Variants in CDH12 observed in about 807,000 individuals in gnomAD.
The protein encoded by CDH12 is cadherin 12.
Under a neutral mutation model 74.1 loss-of-function variants are expected in CDH12, and 41 were observed. That is an observed-to-expected ratio of 0.55 (90% CI 0.43 to 0.72). The LOEUF (loss-of-function observed/expected upper bound fraction) is 0.72, where lower values mean the gene tolerates loss of function less well. Among genes scored for constraint, CDH12 ranks in the 30% least tolerant of loss-of-function variants. CDH12 has a pLI of 0.00. For missense variants in CDH12, 945 were observed against 977.2 expected (o/e 0.97, Z 0.44); for synonymous variants, 399 against 355.0 (o/e 1.12, Z -1.39).
chr5:22,060,863 G>A (rs1741139663), intron 5 of CDH12, among the ~76,000 whole-genome samples: 1 of 152,124 alleles, frequency 6.6e-6, no homozygotes, highest in African/African-American at 2.4e-5. Context: ...AGAGTTGCCA[G>A]AGCTCCTCTC....
intron 6 of CDH12, among the ~76,000 whole-genome samples, chr5:21,970,874 A>AAAAAAAAAAAAAAAAT (rs1756822951): frequency 7.7e-6 from 1 of 129,656 alleles, no homozygotes; most frequent in Non-Finnish European, 1.6e-5. Flanking sequence ...AAAAAAAAAA[A>AAAAAAAAAAAAAAAAT]GAAAAAAGAA....
At chr5:22,477,074 A>G (rs1746197762) in intron 2 of CDH12, among the ~76,000 whole-genome samples, 1 of 152,142 alleles carries the variant, frequency 6.6e-6, no homozygotes, top group Non-Finnish European at 1.5e-5. Flanking sequence ...CACAAAAAAC[A>G]CCCTACTGTT....
At chr5:22,484,866 G>C (rs1746524981) in intron 2 of CDH12, among the ~76,000 whole-genome samples, 1 of 151,922 alleles carries the variant, frequency 6.6e-6, no homozygotes, top group African/African-American at 2.4e-5. Flanking sequence ...TAATAATATA[G>C]TAGAACAATA....
At chr5:22,397,950 C>A (rs1175996895) in intron 3 of CDH12, among the ~76,000 whole-genome samples, 1 of 151,848 alleles carries the variant, frequency 6.6e-6, no homozygotes, top group African/African-American at 2.4e-5. Context: ...AGAAATAAAC[C>A]CTGCTGACAC....
At chr5:22,547,005 G>C (rs2126727711) in intron 1 of CDH12, among the ~76,000 whole-genome samples, 1 of 152,308 alleles carries the variant, frequency 6.6e-6, no homozygotes, top group Admixed American at 6.5e-5. Flanking sequence ...AAGTGCTTCA[G>C]ATGGTGGTGC....
At chr5:22,572,675 C>G (rs1416566549) in intron 1 of CDH12, among the ~76,000 whole-genome samples, 1 of 152,270 alleles carries the variant, frequency 6.6e-6, no homozygotes, top group East Asian at 1.9e-4. Context: ...ACAACCCTAT[C>G]TTTTGGTTGA....
intron 1 of CDH12, among the ~76,000 whole-genome samples, chr5:22,801,768 C>T (rs1748541950): frequency 6.7e-6 from 1 of 149,012 alleles, no homozygotes; most frequent in Admixed American, 6.8e-5. Context: ...ACACTAATGG[C>T]AACTTTGTTT....
intron 1 of CDH12, among the ~76,000 whole-genome samples, chr5:22,764,413 T>A (rs2127060922): frequency 6.6e-6 from 1 of 152,094 alleles, no homozygotes; most frequent in Non-Finnish European, 1.5e-5. Flanking sequence ...TTCTTCAGAA[T>A]GCTGATATAA....
At chr5:21,978,825 A>T (rs936759345) in intron 5 of CDH12, among the ~76,000 whole-genome samples, 4 of 152,176 alleles carry the variant, frequency 2.6e-5, no homozygotes, top group African/African-American at 9.6e-5. Flanking sequence ...AACTGTCAAG[A>T]CTAAAGCTAT....
At chr5:22,843,945 C>T (rs1202946241) in intron 1 of CDH12, among the ~76,000 whole-genome samples, 1 of 151,962 alleles carries the variant, frequency 6.6e-6, no homozygotes, top group Non-Finnish European at 1.5e-5. Context: ...CTGTGTAGGG[C>T]TGTGTCTTTT....
At chr5:22,536,321 G>T (rs1485976022) in intron 1 of CDH12, among the ~76,000 whole-genome samples, 1 of 152,124 alleles carries the variant, frequency 6.6e-6, no homozygotes, top group African/African-American at 2.4e-5. Flanking sequence ...ATTGCTATGG[G>T]GTTTTCAACA....
intron 1 of CDH12, among the ~76,000 whole-genome samples, chr5:22,567,262 A>G (rs1245735852): frequency 6.6e-6 from 1 of 152,132 alleles, no homozygotes; most frequent in East Asian, 2.0e-4. Flanking sequence ...CATTGTCCAT[A>G]AAAGATGCTA....
At chr5:22,443,197 C>G (rs892508542) in intron 2 of CDH12, among the ~76,000 whole-genome samples, 1 of 152,070 alleles carries the variant, frequency 6.6e-6, no homozygotes, top group Non-Finnish European at 1.5e-5. Flanking sequence ...TAGCAGAGTA[C>G]GTTTTTGTAT....
intron 2 of CDH12, among the ~76,000 whole-genome samples, chr5:22,425,325 G>T (rs902162139): frequency 6.0e-5 from 9 of 150,796 alleles, no homozygotes; most frequent in African/African-American, 2.2e-4. Flanking sequence ...ATTTTATTTT[G>T]TTTACTTTAT....
rs563027068 is a variant in CDH12, at chr5:22,762,782, T to C, written c.-523+90276A>G. ...GTTAATTTTTCTGAGCAAACATGTC[T>C]TGTATTAGGACCATGGTTATCTTAT... On this transcript the variant is annotated intron_variant, in intron 1 of 14. Transcript: ENST00000382254. 2.8e-4 allele frequency among the ~76,000 whole-genome samples: 42 copies of C among 152,190 alleles called. 1 individual carries two copies. The highest frequency in any genetic ancestry group is 8.9e-4 in the African/African-American group (37 of 41,572).
At chr5:22,663,476 GT>G (rs1218772854) in intron 1 of CDH12, among the ~76,000 whole-genome samples, 1 of 152,040 alleles carries the variant, frequency 6.6e-6, no homozygotes, top group Non-Finnish European at 1.5e-5. Flanking sequence ...GCTGAATATT[GT>G]TTATCATCTA....
chr5:22,599,622 G>GT (rs1736759266), intron 1 of CDH12, among the ~76,000 whole-genome samples: 1 of 151,864 alleles, frequency 6.6e-6, no homozygotes, highest in South Asian at 2.1e-4. Flanking sequence ...CTATGAAAAT[G>GT]TATCAGTTTA....
At chr5:21,889,984 T>C (rs768457049) in intron 6 of CDH12, 17 of 253,826 alleles carry the variant, frequency 6.7e-5, no homozygotes, top group Non-Finnish European at 9.9e-5. Flanking sequence ...CTTACAACTA[T>C]ATTTGACCAA....
intron 7 of CDH12, among the ~76,000 whole-genome samples, chr5:21,847,255 T>C (rs536353706): frequency 8.5e-5 from 13 of 152,150 alleles, no homozygotes; most frequent in Non-Finnish European, 1.6e-4. Flanking sequence ...GGATGCTTAT[T>C]TGTAGTTCTT....
Sources: allele counts gnomAD v4.1 joint callset (sites outside exome capture counted in the v4.1 genomes callset), GRCh38; gene constraint gnomAD v4.1.1; transcripts MANE v1.5; gene names NCBI Gene and HGNC (gene_info 2026-07-23, HGNC 2026-07-21).